MACROD2: variants seen among roughly 807,000 people sequenced by gnomAD.
MACROD2 encodes ADP-ribose glycohydrolase MACROD2.
MACROD2 carries 36 observed loss-of-function variants against 70.4 expected under a neutral mutation model. The observed-to-expected ratio is 0.51, with a 90% confidence interval of 0.39 to 0.68. The LOEUF is 0.68. Ranked by LOEUF, MACROD2 falls within the 30% of genes least tolerant of loss-of-function variation. The probability of loss-of-function intolerance (pLI) is 0.00; values close to 1 mark genes in which losing one functional copy is unlikely to be tolerated. For missense variants in MACROD2, 496 were observed against 538.4 expected (o/e 0.92, Z 0.78); for synonymous variants, 172 against 178.8 (o/e 0.96, Z 0.30).
intron 10 of MACROD2, among the ~76,000 whole-genome samples, chr20:15,919,204 G>A (rs2065364628): frequency 6.6e-6 from 1 of 152,186 alleles, no homozygotes; most frequent in Admixed American, 6.5e-5. Context: ...CAAAGAACAT[G>A]CTAGAATACT....
intron 8 of MACROD2, among the ~76,000 whole-genome samples, chr20:15,825,068 A>C (rs1276377585): frequency 2.0e-5 from 3 of 152,214 alleles, no homozygotes; most frequent in Admixed American, 2.0e-4. Context: ...GACAAGTGCC[A>C]ATCTTTGACA....
At chr20:15,561,630 A>AAT (rs2146607627) in intron 8 of MACROD2, among the ~76,000 whole-genome samples, 1 of 152,278 alleles carries the variant, frequency 6.6e-6, no homozygotes, top group South Asian at 2.1e-4. Context: ...TGAATGAATG[A>AAT]GAGAGATGAA....
At chr20:14,732,175 A>C (rs576337122) in intron 5 of MACROD2, among the ~76,000 whole-genome samples, 1 of 152,138 alleles carries the variant, frequency 6.6e-6, no homozygotes, top group African/African-American at 2.4e-5. Flanking sequence ...AAAGGTATAG[A>C]GTTCTTAGGT....
Position 14,288,584 on chromosome 20 carries a change from C to T in MACROD2, c.271+202856C>T, listed in dbSNP as rs117339241. ...GCTGGTCTCTTCAGCCCAGCCTCTC[C>T]ATGAGGAAAAGTTCACTTCTTAACA... is the stretch of plus-strand genomic sequence containing the variant. On this transcript the variant is annotated intron_variant, in intron 3 of 17. Coordinates refer to ENST00000684519, the MANE Select transcript of MACROD2 (RefSeq NM_001351661.2). 2.6e-5 allele frequency among the ~76,000 whole-genome samples: 4 copies of T among 152,272 alleles called. No individual in the cohort carries two copies. In the East Asian group the frequency reaches 7.7e-4, roughly 29 times the overall value.
In MACROD2 at chr20:14,350,283, T is replaced by C. The variant is rs528688871; in HGVS notation, c.272-143196T>C. The stretch of plus-strand genomic sequence containing the variant: ...CTGGGTCATATGAGAGCTCTATTTT[T>C]AGTTTTTTGAGGAACCTCAAAACTG... On this transcript the variant is annotated intron_variant, in intron 3 of 17. Coordinates refer to ENST00000684519, the MANE Select transcript of MACROD2 (RefSeq NM_001351661.2). Among the ~76,000 whole-genome samples, 21 of 152,234 alleles carry C rather than the reference T, an allele frequency of 1.4e-4. 1 individual carries two copies. The East Asian group carries it at 4.1e-3, about 30-fold the overall frequency.
intron 5 of MACROD2, among the ~76,000 whole-genome samples, chr20:15,105,973 A>T (rs929296654): frequency 2.0e-5 from 3 of 152,170 alleles, no homozygotes; most frequent in African/African-American, 4.8e-5. Context: ...ATCACAAAAA[A>T]GTTGTGTGAT....
rs571444088 is a variant in MACROD2, at chr20:16,049,166, G to A, written c.1301-664G>A. On this transcript the variant is annotated intron_variant, in intron 17 of 17. Coordinates refer to ENST00000684519, the MANE Select transcript of MACROD2 (RefSeq NM_001351661.2). ...TCATTCCAGCAGGAGTGGGGTAGTA[G>A]GGAAGGGAACTTTCCAGGGTGATGT... is the stretch of plus-strand genomic sequence containing the variant. Among the ~76,000 whole-genome samples the A allele has an allele frequency of 8.3e-4, 127 of 152,144 alleles. 1 individual carries two copies. The highest frequency in any genetic ancestry group is 3.0e-3 in the African/African-American group (125 of 41,494).
intron 3 of MACROD2, among the ~76,000 whole-genome samples, chr20:14,350,496 C>T (rs1009963242): frequency 6.6e-6 from 1 of 152,024 alleles, no homozygotes; most frequent in African/African-American, 2.4e-5. Flanking sequence ...CTTTGCATTT[C>T]CCTGATGATT....
intron 5 of MACROD2, among the ~76,000 whole-genome samples, chr20:15,089,030 G>A (rs1245264934): frequency 6.6e-6 from 1 of 152,028 alleles, no homozygotes; most frequent in Non-Finnish European, 1.5e-5. Context: ...AGTAGAGTAG[G>A]ACAGTTTTTT....
chr20:14,383,260 C>G (rs1431611717), intron 3 of MACROD2, among the ~76,000 whole-genome samples: 2 of 152,078 alleles, frequency 1.3e-5, no homozygotes, highest in African/African-American at 4.8e-5. Context: ...TCTCCGCTGC[C>G]CCAGACTGAA....
At chr20:14,240,956 C>A (rs1239998211) in intron 3 of MACROD2, among the ~76,000 whole-genome samples, 1 of 152,020 alleles carries the variant, frequency 6.6e-6, no homozygotes. Context: ...TGGTGAAACC[C>A]CCTCTCTACT....
chr20:14,611,157 C>T (rs1357283274), intron 4 of MACROD2, among the ~76,000 whole-genome samples: 1 of 152,098 alleles, frequency 6.6e-6, no homozygotes, highest in Non-Finnish European at 1.5e-5. Flanking sequence ...ATTCAAATAT[C>T]ACCCAAGCCA....
intron 6 of MACROD2, among the ~76,000 whole-genome samples, chr20:15,233,969 T>TATATATATATATATATATA (rs1568657296): frequency 1.8e-5 from 1 of 56,118 alleles, no homozygotes; most frequent in Non-Finnish European, 3.5e-5. Context: ...AAATTTATTT[T>TATATATATATATATATATA]TATATATATT....
intron 10 of MACROD2, chr20:15,893,022 C>A (rs944497886): frequency 1.2e-4 from 48 of 399,054 alleles, no homozygotes; most frequent in Non-Finnish European, 2.2e-5. Flanking sequence ...TAAGTCCTGT[C>A]CCTCCTTCCT....
chr20:15,525,742 G>A (rs2047712936), intron 8 of MACROD2, among the ~76,000 whole-genome samples: 1 of 152,186 alleles, frequency 6.6e-6, no homozygotes, highest in African/African-American at 2.4e-5. Context: ...GGCGGTTTGG[G>A]TAGGCTAATT....
rs575249964 is a variant in MACROD2 at position 14,750,647 on chromosome 20, A to G, written c.418+65688A>G. Reference sequence around the variant, plus strand: ...AATAATTTTTGTATTTTTTGTAGAGATGGGGTTTTGCCATGTTGCCCAGGC... The same window carrying G: ...AATAATTTTTGTATTTTTTGTAGAGGTGGGGTTTTGCCATGTTGCCCAGGC... On this transcript the variant is annotated intron_variant, in intron 5 of 17. Transcript: ENST00000684519. 9.2e-5 allele frequency among the ~76,000 whole-genome samples: 14 copies of G among 151,988 alleles called. 1 individual carries two copies. The East Asian group carries it at 1.4e-3, about 15-fold the overall frequency.
At chr20:14,531,243 G>T (rs1298558765) in intron 4 of MACROD2, among the ~76,000 whole-genome samples, 1 of 152,074 alleles carries the variant, frequency 6.6e-6, no homozygotes, top group Non-Finnish European at 1.5e-5. Context: ...TGGTCTCTGC[G>T]GATACAATTA....
intron 5 of MACROD2, among the ~76,000 whole-genome samples, chr20:14,817,348 A>G (rs1414171063): frequency 2.0e-5 from 3 of 152,112 alleles, no homozygotes; most frequent in African/African-American, 4.8e-5. Context: ...TGGTTTATTT[A>G]TTTCCACAAT....
At chr20:15,416,386 T>C (rs1485824438) in intron 6 of MACROD2, among the ~76,000 whole-genome samples, 1 of 152,222 alleles carries the variant, frequency 6.6e-6, no homozygotes, top group African/African-American at 2.4e-5. Flanking sequence ...AAATATAAAG[T>C]GTGCATTAGC....
Sources: allele counts gnomAD v4.1 joint callset (sites outside exome capture counted in the v4.1 genomes callset), GRCh38; gene constraint gnomAD v4.1.1; transcripts MANE v1.5; gene names NCBI Gene and HGNC (gene_info 2026-07-23, HGNC 2026-07-21).